Variants in PDE9A observed in about 807,000 individuals in gnomAD.
PDE9A encodes the protein phosphodiesterase 9A, also known as high affinity cGMP-specific 3',5'-cyclic phosphodiesterase 9A.
In PDE9A, 60 loss-of-function variants were observed where a neutral mutation model predicts 87.4. The ratio of observed to expected loss-of-function variants is 0.69; its 90% CI spans 0.56 to 0.85. The LOEUF (loss-of-function observed/expected upper bound fraction) is 0.85. Among genes scored for constraint, PDE9A ranks in the 40% least tolerant of loss-of-function variants. The pLI, the probability that PDE9A is intolerant of heterozygous loss-of-function variation, is 0.00. For synonymous variants in PDE9A, 272 were observed against 279.4 expected, an observed-to-expected ratio of 0.97 and a Z score of 0.27; for missense variants, 665 against 779.0, an observed-to-expected ratio of 0.85 and a Z score of 1.74.
intron 3 of PDE9A, among the ~76,000 whole-genome samples, chr21:42,691,572 CAA>C (rs2059838719): frequency 6.6e-6 from 1 of 151,564 alleles, no homozygotes; most frequent in South Asian, 2.1e-4. Flanking sequence ...CATCACCATC[CAA>C]AGTCACCCAG....
chr21:42,671,031 C>G (rs1238699355), intron 1 of PDE9A, among the ~76,000 whole-genome samples: 1 of 152,144 alleles, frequency 6.6e-6, no homozygotes, highest in Non-Finnish European at 1.5e-5. Context: ...TTAATTTTTT[C>G]TCCATGTACT....
intron 8 of PDE9A, among the ~76,000 whole-genome samples, chr21:42,748,068 C>T (rs182326289): frequency 8.5e-5 from 13 of 152,280 alleles, no homozygotes; most frequent in South Asian, 4.2e-4. Context: ...AAGGAAACAG[C>T]GGGATTCGAA....
intron 4 of PDE9A, among the ~76,000 whole-genome samples, chr21:42,712,225 T>C (rs1167250193): frequency 6.6e-6 from 1 of 152,232 alleles, no homozygotes; most frequent in Non-Finnish European, 1.5e-5. Context: ...GTTATGGCTT[T>C]CAAGATAAAG....
intron 3 of PDE9A, among the ~76,000 whole-genome samples, chr21:42,693,544 C>T (rs2059984155): frequency 6.6e-6 from 1 of 151,650 alleles, no homozygotes; most frequent in Non-Finnish European, 1.5e-5. Context: ...CCTGCCTCGG[C>T]CCCCCAGAGT....
At chr21:42,729,282 G>A (rs28842577) in intron 4 of PDE9A, among the ~76,000 whole-genome samples, 21,637 of 152,074 alleles carry the variant, frequency 0.14, 2,125 homozygotes, top group Non-Finnish European at 0.23. Flanking sequence ...GTGTGTAGAG[G>A]CATTTGTAGT....
At chr21:42,669,751 G>A (rs1209622715) in intron 1 of PDE9A, among the ~76,000 whole-genome samples, 1 of 152,182 alleles carries the variant, frequency 6.6e-6, no homozygotes, top group East Asian at 1.9e-4. Flanking sequence ...GCATCCCGGA[G>A]AGCCGAGTGT....
intron 4 of PDE9A, 133 bp from the exon 5 acceptor site, chr21:42,731,637 T>C: frequency 1.1e-6 from 1 of 930,570 alleles, no homozygotes. Context: ...AGACCCGCCG[T>C]GAGAACACCG....
At chr21:42,748,981 A>AT (rs1373270397) in intron 8 of PDE9A, among the ~76,000 whole-genome samples, 2 of 152,194 alleles carry the variant, frequency 1.3e-5, no homozygotes, top group African/African-American at 4.8e-5. Context: ...CTAATGGCAT[A>AT]ATAGTCCATC....
intron 7 of PDE9A, among the ~76,000 whole-genome samples, chr21:42,736,131 C>T (rs986481157): frequency 2.0e-5 from 3 of 152,134 alleles, no homozygotes; most frequent in Non-Finnish European, 4.4e-5. Flanking sequence ...CCATCTCCTA[C>T]GCCCCACCTG....
At chr21:42,668,753 T>A (rs1044425374) in intron 1 of PDE9A, among the ~76,000 whole-genome samples, 21 of 152,078 alleles carry the variant, frequency 1.4e-4, no homozygotes, top group Non-Finnish European at 2.1e-4. Flanking sequence ...GCGGGGGAAA[T>A]GGGCCCTGAA....
At position 42,760,393 on chromosome 21, in the gene PDE9A, C is replaced by G. The variant is rs766984865; in HGVS notation, c.963C>G (p.Ala321=). Residue 321 remains alanine (A), a synonymous_variant, in exon 12 of 20, where the codon GCC becomes GCG. Coordinates refer to ENST00000291539, the MANE Select transcript of PDE9A (RefSeq NM_002606.3). This position sits in a 1 kb window ranked among gnomAD's most constrained non-coding sequence, Gnocchi z 5.2. The stretch of plus-strand genomic sequence containing the variant: ...ACTTCCGGCACTGCTTCTGCGTGGC[C>G]CAGATGATGTACAGCATGGTCTGGC... The part of the protein sequence containing the change: ...FHNFRHCFCV[A]QMMYSMVWLC... 3.7e-5 allele frequency: 60 copies of G among 1,608,980 alleles called. No individual in the cohort carries two copies. The highest frequency in any genetic ancestry group is 8.3e-5 in the Admixed American group (5 of 59,972).
chr21:42,698,821 C>CA, intron 3 of PDE9A, 147 bp from the exon 4 acceptor site: 1 of 514,334 alleles, frequency 1.9e-6, no homozygotes, highest in Non-Finnish European at 3.5e-6. Context: ...TGAGAACAGT[C>CA]AAAGAAGCTA....
intron 16 of PDE9A, 190 bp downstream of exon 16, chr21:42,768,482 A>C: frequency 8.4e-7 from 1 of 1,189,908 alleles, no homozygotes; most frequent in East Asian, 2.7e-5. Flanking sequence ...GACCTGAAAG[A>C]CAGTAACAAT....
intron 1 of PDE9A, among the ~76,000 whole-genome samples, chr21:42,685,879 T>TCAACACTGCCTGGCCCCTGGCCCCAGG (rs1277579610): frequency 1.3e-5 from 2 of 152,108 alleles, no homozygotes; most frequent in African/African-American, 2.4e-5. Flanking sequence ...TGACCCCAGG[T>TCAACACTGCCTGGCCCCTGGCCCCAGG]GGTCAGTCCT....
At chr21:42,693,588 CTT>C (rs371936659) in intron 3 of PDE9A, among the ~76,000 whole-genome samples, 22 of 124,354 alleles carry the variant, frequency 1.8e-4, no homozygotes, top group African/African-American at 3.9e-4. Flanking sequence ...CCGCGTCCTA[CTT>C]TTTTTTTTTT....
At chr21:42,773,965 C>T (rs1018931474) in intron 19 of PDE9A, among the ~76,000 whole-genome samples, 3 of 150,950 alleles carry the variant, frequency 2.0e-5, no homozygotes, top group Middle Eastern at 3.4e-3. Flanking sequence ...ATTAGCCGGG[C>T]GTGGTGGTGG....
chr21:42,766,936 G>C (rs35408210), intron 15 of PDE9A, among the ~76,000 whole-genome samples: 5,449 of 152,292 alleles, frequency 0.036, 150 homozygotes, highest in Middle Eastern at 0.095. Flanking sequence ...GTCAGGACAA[G>C]TGAACCCAGC....
chr21:42,775,257 A>T, intron 19 of PDE9A, 23 bp from the exon 20 acceptor site: 1 of 1,611,914 alleles, frequency 6.2e-7, no homozygotes, highest in Non-Finnish European at 8.5e-7. Context: ...AAAACAAATC[A>T]GTCATCGTTT....
chr21:42,653,956 G>A, intron 1 of PDE9A, 73 bp downstream of exon 1: 2 of 902,684 alleles, frequency 2.2e-6, no homozygotes, highest in South Asian at 1.5e-5. Context: ...CGGCGGGGCG[G>A]GACTGTCCGT....
Sources: allele counts gnomAD v4.1 joint callset (sites outside exome capture counted in the v4.1 genomes callset), GRCh38; gene constraint gnomAD v4.1.1; non-coding constraint Gnocchi (gnomAD v3.1); transcripts MANE v1.5; gene names NCBI Gene and HGNC (gene_info 2026-07-23, HGNC 2026-07-21).